SWAP70: variants seen among roughly 807,000 people sequenced by gnomAD.
SWAP70 encodes the protein switching B cell complex subunit SWAP70, also known as switch-associated protein 70.
In SWAP70, 34 loss-of-function variants were observed where a neutral mutation model predicts 80.2. That is an observed-to-expected ratio of 0.42 (90% CI 0.32 to 0.56). The LOEUF (loss-of-function observed/expected upper bound fraction) is 0.56. Among genes scored for constraint, SWAP70 ranks in the 20% least tolerant of loss-of-function variants. The pLI is 0.09. For missense variants in SWAP70, 578 were observed against 690.7 expected, an observed-to-expected ratio of 0.84 and a Z score of 1.83; for synonymous variants, 239 against 238.5, an observed-to-expected ratio of 1.00 and a Z score of -0.02.
intron 3 of SWAP70, among the ~76,000 whole-genome samples, chr11:9,723,771 CT>C (rs34551025): frequency 0.022 from 2,772 of 124,584 alleles, 32 homozygotes; most frequent in African/African-American, 0.048. Flanking sequence ...TCCTTCTTTA[CT>C]TTTTTTTTTT....
At chr11:9,719,964 C>A in intron 3 of SWAP70, 1 of 598,318 alleles carries the variant, frequency 1.7e-6, no homozygotes, top group Non-Finnish European at 2.1e-6. Flanking sequence ...AACTGAAGGC[C>A]TCGAAAATCA....
intron 1 of SWAP70, among the ~76,000 whole-genome samples, chr11:9,688,619 C>G (rs1260187713): frequency 2.0e-5 from 3 of 152,060 alleles, no homozygotes; most frequent in Non-Finnish European, 2.9e-5. Context: ...GCTTTTACTT[C>G]TGTAGTCTTC....
chr11:9,704,525 G>A (rs1850874940), intron 2 of SWAP70, among the ~76,000 whole-genome samples: 1 of 152,058 alleles, frequency 6.6e-6, no homozygotes, highest in Admixed American at 6.6e-5. Context: ...CTCCTGAGTA[G>A]CTGAGATTAC....
At chr11:9,683,557 A>T (rs915647128) in intron 1 of SWAP70, among the ~76,000 whole-genome samples, 4 of 152,212 alleles carry the variant, frequency 2.6e-5, no homozygotes, top group African/African-American at 9.6e-5. Flanking sequence ...CTGTCCCAGC[A>T]TGGGTTCTCC....
At chr11:9,666,501 A>G (rs1019414664) in intron 1 of SWAP70, among the ~76,000 whole-genome samples, 2 of 152,012 alleles carry the variant, frequency 1.3e-5, no homozygotes, top group African/African-American at 4.8e-5. Flanking sequence ...TAGAGTTAAT[A>G]TTTTACCACT....
intron 1 of SWAP70, among the ~76,000 whole-genome samples, chr11:9,675,340 AGGGAGC>A (rs1210654357): frequency 0.12 from 7,353 of 62,288 alleles, 2,812 homozygotes; most frequent in South Asian, 0.24. Flanking sequence ...AGAGAGAGAG[AGGGAGC>A]GAGAGAGAGA....
At chr11:9,737,178 AAG>A (rs1241669292) in intron 7 of SWAP70, among the ~76,000 whole-genome samples, 10 of 152,216 alleles carry the variant, frequency 6.6e-5, no homozygotes, top group Non-Finnish European at 1.5e-4. Flanking sequence ...GCTGGGGACA[AAG>A]AGAAATTCTG....
chr11:9,714,019 G>T (rs568304075), intron 3 of SWAP70, among the ~76,000 whole-genome samples: 1 of 152,244 alleles, frequency 6.6e-6, no homozygotes, highest in African/African-American at 2.4e-5. Context: ...TTGTTTTCAG[G>T]GCTGTTTTGT....
intron 1 of SWAP70, among the ~76,000 whole-genome samples, chr11:9,686,324 T>C (rs1016293426): frequency 6.8e-6 from 1 of 147,760 alleles, no homozygotes; most frequent in East Asian, 2.0e-4. Flanking sequence ...TCTGTATCCT[T>C]TCGTATCCTC....
At chr11:9,727,927 A>G (rs1484922778) in intron 4 of SWAP70, 126 bp from the exon 5 acceptor site, 2 of 965,872 alleles carry the variant, frequency 2.1e-6, no homozygotes, top group African/African-American at 3.4e-5. Flanking sequence ...AGGATCCAAG[A>G]ACAATTGGTG....
At chr11:9,745,506 A>T (rs1033750839) in intron 9 of SWAP70, among the ~76,000 whole-genome samples, 3 of 152,252 alleles carry the variant, frequency 2.0e-5, no homozygotes, top group Non-Finnish European at 4.4e-5. Flanking sequence ...GCTTTATAGA[A>T]ATTCATTTGA....
In SWAP70 at chr11:9,664,114, G is replaced by T; in HGVS notation, c.-66G>T. 2 of 1,469,662 alleles carry T rather than the reference G, an allele frequency of 1.4e-6. No individual in the cohort carries two copies. The highest frequency in any genetic ancestry group is 1.8e-6 in the Non-Finnish European group (2 of 1,094,480). 91.0% of individuals were successfully genotyped at this position (1,469,662 alleles called of 1,614,324 possible). A position where few individuals can be genotyped will look rare whatever the true frequency, so the allele number is the denominator to read the frequency against. Reference sequence around the variant, plus strand: ...GGCGGGCTGTGGCTGCGGAGGTTGAGGGGCGTCCGAGGCGCGGAGGGGCTG... The same window carrying T: ...GGCGGGCTGTGGCTGCGGAGGTTGATGGGCGTCCGAGGCGCGGAGGGGCTG... On this transcript the variant is annotated 5_prime_UTR_variant, in exon 1 of 12. It adds an upstream start codon to the 5' untranslated region. Transcript: ENST00000318950.
intron 1 of SWAP70, among the ~76,000 whole-genome samples, chr11:9,684,239 G>T (rs1850603574): frequency 6.6e-6 from 1 of 151,962 alleles, no homozygotes; most frequent in African/African-American, 2.4e-5. Context: ...GCGCCACCAT[G>T]CCTTGCTAAT....
chr11:9,709,066 C>T, intron 2 of SWAP70, among the ~76,000 whole-genome samples: 1 of 152,002 alleles, frequency 6.6e-6, no homozygotes. Context: ...CCACCATACC[C>T]TACTAATTAA....
At chr11:9,672,120 A>G (rs1048076042) in intron 1 of SWAP70, among the ~76,000 whole-genome samples, 6 of 129,758 alleles carry the variant, frequency 4.6e-5, no homozygotes, top group African/African-American at 1.4e-4. Flanking sequence ...TATAATTTAA[A>G]TGTAATTTAA....
At chr11:9,671,886 T>A (rs1439709388) in intron 1 of SWAP70, among the ~76,000 whole-genome samples, 1 of 108,352 alleles carries the variant, frequency 9.2e-6, no homozygotes, top group Admixed American at 1.3e-4. Context: ...AATATAATTT[T>A]AATTTAATTT....
chr11:9,745,352 A>C (rs533806686), intron 9 of SWAP70, among the ~76,000 whole-genome samples: 7 of 152,258 alleles, frequency 4.6e-5, no homozygotes, highest in African/African-American at 1.7e-4. Context: ...CCTTTATCTC[A>C]TTTGCAGACG....
chr11:9,702,050 A>G (rs1329254638), intron 2 of SWAP70, among the ~76,000 whole-genome samples: 1 of 152,220 alleles, frequency 6.6e-6, no homozygotes, highest in Non-Finnish European at 1.5e-5. Flanking sequence ...ACATACACAA[A>G]AGAAAAACAC....
At chr11:9,704,618 C>G (rs530491299) in intron 2 of SWAP70, among the ~76,000 whole-genome samples, 1 of 152,112 alleles carries the variant, frequency 6.6e-6, no homozygotes, top group Admixed American at 6.6e-5. Flanking sequence ...GTCTCGGACT[C>G]CTGGCCTCAA....
Sources: allele counts gnomAD v4.1 joint callset (sites outside exome capture counted in the v4.1 genomes callset), GRCh38; gene constraint gnomAD v4.1.1; transcripts MANE v1.5; gene names NCBI Gene and HGNC (gene_info 2026-07-23, HGNC 2026-07-21).